GABRA1: variants seen among roughly 807,000 people sequenced by gnomAD.
GABRA1 encodes gamma-aminobutyric acid type A receptor subunit alpha1, also known as gamma-aminobutyric acid receptor subunit alpha-1.
Under a neutral mutation model 48.9 loss-of-function variants are expected in GABRA1, and 9 were observed. That is an observed-to-expected ratio of 0.18 (90% confidence interval 0.11 to 0.32). The LOEUF (loss-of-function observed/expected upper bound fraction) is 0.32, where lower values mean the gene tolerates loss of function less well. Among genes scored for constraint, GABRA1 ranks in the 10% least tolerant of loss-of-function variants. The pLI is 1.00. For synonymous variants in GABRA1, 210 were observed against 198.7 expected (o/e 1.06, Z -0.48); for missense variants, 285 against 553.8 (o/e 0.51, Z 4.87).
intron 8 of GABRA1, among the ~76,000 whole-genome samples, chr5:161,893,829 A>T (rs940024784): frequency 2.0e-5 from 3 of 152,218 alleles, no homozygotes; most frequent in Non-Finnish European, 4.4e-5. Context: ...AAATAAAAAA[A>T]ATATACATTG....
In GABRA1 at chr5:161,850,567, A is replaced by G. The variant is rs1284530413; in HGVS notation, c.-15-229A>G. ...GTCACCTGAAAGCGTTTCAGCTTGT[A>G]TTCTTTTACAGGAGAATAAGGACAC... is the stretch of plus-strand genomic sequence containing the variant. On this transcript the variant is annotated intron_variant, in intron 1 of 9. Coordinates refer to ENST00000393943, the MANE Select transcript of GABRA1 (RefSeq NM_001127644.2). The G allele has an allele frequency of 6.8e-6, 4 of 586,672 alleles. No individual in the cohort carries two copies. The Admixed American group carries it at 1.2e-4, about 18-fold the overall frequency. 36.3% of individuals were successfully genotyped at this position (586,672 alleles called of 1,614,324 possible). A position where few individuals can be genotyped will look rare whatever the true frequency, so the allele number is the denominator to read the frequency against.
At position 161,892,476 on chromosome 5, in the gene GABRA1, C is replaced by T. The variant is rs372959885; in HGVS notation, c.856+1426C>T. On this transcript the variant is annotated intron_variant, in intron 8 of 9. Coordinates refer to ENST00000393943, the MANE Select transcript of GABRA1 (RefSeq NM_001127644.2). Reference sequence around the variant, plus strand: ...ATTGGCAAACACCAAATCATTGCTCCGACAATTGCCTAAGCATATAGCTAA... The same window carrying T: ...ATTGGCAAACACCAAATCATTGCTCTGACAATTGCCTAAGCATATAGCTAA... Among the ~76,000 whole-genome samples, 138 of 152,284 alleles carry T rather than the reference C, an allele frequency of 9.1e-4. No homozygotes were observed. The South Asian group carries it at 0.027, about 30-fold the overall frequency.
intron 1 of GABRA1, 193 bp from the exon 2 acceptor site, chr5:161,850,603 C>T (rs1239466690): frequency 3.4e-5 from 21 of 613,820 alleles, no homozygotes; most frequent in Non-Finnish European, 6.1e-5. Context: ...TGATATATTT[C>T]TGAATGGAGA....
intron 2 of GABRA1, among the ~76,000 whole-genome samples, chr5:161,851,247 T>G (rs1307949861): frequency 6.6e-6 from 1 of 152,158 alleles, no homozygotes; most frequent in Non-Finnish European, 1.5e-5. Context: ...ACAAGAAAAT[T>G]TCTAGCCTAT....
chr5:161,870,034 C>G (rs1031250985), intron 4 of GABRA1, among the ~76,000 whole-genome samples: 1 of 152,132 alleles, frequency 6.6e-6, no homozygotes, highest in South Asian at 2.1e-4. Context: ...TAATTTCTAA[C>G]TTTTACTAAC....
chr5:161,854,036 T>A (rs1757549572), intron 2 of GABRA1, 122 bp from the exon 3 acceptor site: 1 of 536,748 alleles, frequency 1.9e-6, no homozygotes, highest in African/African-American at 1.9e-5. Context: ...TGTGAAAAAA[T>A]AATTTTCAAG....
At chr5:161,877,544 A>G (rs768211623) in intron 6 of GABRA1, among the ~76,000 whole-genome samples, 2 of 152,174 alleles carry the variant, frequency 1.3e-5, no homozygotes, top group Non-Finnish European at 2.9e-5. Context: ...AGTTGGTAAA[A>G]ATGAAAGGAG....
intron 6 of GABRA1, among the ~76,000 whole-genome samples, chr5:161,875,941 T>C (rs1348606965): frequency 6.6e-6 from 1 of 152,204 alleles, no homozygotes; most frequent in Non-Finnish European, 1.5e-5. Flanking sequence ...TTCTACCTCA[T>C]GGATAATATT....
chr5:161,857,691 A>G (rs1432574263), intron 3 of GABRA1, among the ~76,000 whole-genome samples: 1 of 151,624 alleles, frequency 6.6e-6, no homozygotes, highest in Non-Finnish European at 1.5e-5. Context: ...GAAAAATAAG[A>G]TAGCTATGTT....
At chr5:161,873,975 G>T (rs1754234657) in intron 5 of GABRA1, among the ~76,000 whole-genome samples, 1 of 152,002 alleles carries the variant, frequency 6.6e-6, no homozygotes, top group African/African-American at 2.4e-5. Flanking sequence ...ATAAAGTTTT[G>T]AATTTTATAT....
chr5:161,892,908 G>A lies in GABRA1; in HGVS notation c.856+1858G>A, dbSNP rs563316499. Among the ~76,000 whole-genome samples the A allele has an allele frequency of 5.9e-5, 9 of 151,768 alleles. No individual in the cohort carries two copies. The South Asian group carries it at 1.7e-3, about 28-fold the overall frequency. ...AGTCTCAGCTACTCGGGAGGCTGAG[G>A]CAGGAGAATGGCTTGAACCCTGGAG... On this transcript the variant is annotated intron_variant, in intron 8 of 9. Coordinates refer to ENST00000393943, the MANE Select transcript of GABRA1 (RefSeq NM_001127644.2).
At chr5:161,879,035 A>G (rs1021920239) in intron 6 of GABRA1, among the ~76,000 whole-genome samples, 28 of 152,200 alleles carry the variant, frequency 1.8e-4, no homozygotes, top group African/African-American at 6.3e-4. Context: ...ATACTAAGTA[A>G]TATATGTTCC....
chr5:161,897,245 A>C lies in GABRA1; in HGVS notation c.1194A>C (p.Lys398Asn). 6.2e-7 allele frequency: 1 copy of C among 1,614,216 alleles called. No homozygotes were observed. Residue 398 changes from lysine to asparagine, a missense_variant, in exon 10 of 10, where the codon AAA (lysine) becomes AAC (asparagine). By Grantham distance (94) the Lys-to-Asn change is moderately conservative. Around this residue, in one of 6 missense-constraint regions of GABRA1, gnomAD observed 99 missense variants for 94.2 expected, o/e 1.05. Transcript: ENST00000393943. ...CTAAAAGTGCAACCATAGAACCTAA[A>C]GAGGTCAAGCCCGAAACAAAACCAC... ...TIAKSATIEPKEVKPETKPPE... is the reference protein window; with the variant it reads ...TIAKSATIEPNEVKPETKPPE...
intron 8 of GABRA1, among the ~76,000 whole-genome samples, chr5:161,894,138 C>T (rs1755252801): frequency 6.6e-6 from 1 of 152,126 alleles, no homozygotes; most frequent in Admixed American, 6.6e-5. Context: ...TATTATCAGG[C>T]TAAGAGCTAA....
rs770608742 is a variant in GABRA1 at position 161,897,490 on chromosome 5, A to G, written c.*68A>G. The G allele has an allele frequency of 3.0e-5, 41 of 1,355,178 alleles. No individual in the cohort carries two copies. The highest frequency in any genetic ancestry group is 3.9e-5 in the Non-Finnish European group (37 of 949,878). 83.9% of individuals were successfully genotyped at this position (1,355,178 alleles called of 1,614,324 possible). A position where few individuals can be genotyped will look rare whatever the true frequency, so the allele number is the denominator to read the frequency against. On this transcript the variant is annotated 3_prime_UTR_variant, in exon 10 of 10. Coordinates refer to ENST00000393943, the MANE Select transcript of GABRA1 (RefSeq NM_001127644.2). ...ATTTATTTATGTTCTCAACGCAGTA[A>G]TTCCCATCTGCTTTATTGCCTCTGT...
intron 5 of GABRA1, 101 bp from the exon 6 acceptor site, chr5:161,875,459 C>A (rs1561576678): frequency 2.1e-6 from 2 of 941,110 alleles, no homozygotes; most frequent in East Asian, 2.4e-5. Context: ...ATTATGCCTT[C>A]TTTGTTAATA....
intron 7 of GABRA1, among the ~76,000 whole-genome samples, chr5:161,886,119 A>T (rs776523494): frequency 6.6e-6 from 1 of 152,114 alleles, no homozygotes; most frequent in Non-Finnish European, 1.5e-5. Context: ...CATTATTCCA[A>T]GGTCATACAG....
chr5:161,857,581 G>A (rs146401642), intron 3 of GABRA1, among the ~76,000 whole-genome samples: 1 of 151,430 alleles, frequency 6.6e-6, no homozygotes, highest in Non-Finnish European at 1.5e-5. Flanking sequence ...CTAATAAAGA[G>A]GTATCTCCAG....
rs199964148 is a variant in GABRA1, at chr5:161,872,864, C to CAGAT, written c.256-251_256-248dup. Among the ~76,000 whole-genome samples the CAGAT allele has an allele frequency of 3.1e-3, 475 of 152,156 alleles. 1 individual carries two copies. Among genetic ancestry groups the CAGAT allele is most frequent in the Middle Eastern group, 6.8e-3 (2 of 294 alleles). The stretch of plus-strand genomic sequence containing the variant: ...GTTACTTTCCTTTTACATATCTGAG[C>CAGAT]AGATAATTGGAAAAATTTTTCTGAC... On this transcript the variant is annotated intron_variant, in intron 4 of 9. Coordinates refer to ENST00000393943, the MANE Select transcript of GABRA1 (RefSeq NM_001127644.2).
Sources: allele counts gnomAD v4.1 joint callset (sites outside exome capture counted in the v4.1 genomes callset), GRCh38; gene constraint gnomAD v4.1.1; regional missense constraint gnomAD v4.1.1; transcripts MANE v1.5; gene names NCBI Gene and HGNC (gene_info 2026-07-23, HGNC 2026-07-21).